Variants in RAPGEF6 observed in about 807,000 individuals in gnomAD.
RAPGEF6 encodes the protein PDZ domain containing guanine nucleotide exchange factor (GEF) 2.
Under a neutral mutation model 171.4 loss-of-function variants are expected in RAPGEF6, and 56 were observed. The observed-to-expected ratio is 0.33, with a 90% CI of 0.26 to 0.41. The LOEUF is 0.41. Among genes scored for constraint, RAPGEF6 ranks in the 10% least tolerant of loss-of-function variants. The pLI, the probability that RAPGEF6 is intolerant of heterozygous loss-of-function variation, is 1.00. For synonymous variants in RAPGEF6, 692 were observed against 650.1 expected (o/e 1.06, Z -0.98); for missense variants, 1,674 against 1,921.4 (o/e 0.87, Z 2.41).
At chr5:131,574,886 AC>A (rs1324527710) in intron 4 of RAPGEF6, among the ~76,000 whole-genome samples, 1 of 152,190 alleles carries the variant, frequency 6.6e-6, no homozygotes, top group Admixed American at 6.5e-5. Context: ...CTTTAAGAGG[AC>A]TAAAGCCTGT....
At chr5:131,547,366 T>C (rs2149948370) in intron 6 of RAPGEF6, among the ~76,000 whole-genome samples, 1 of 152,242 alleles carries the variant, frequency 6.6e-6, no homozygotes, top group South Asian at 2.1e-4. Flanking sequence ...AAATCGTGAG[T>C]ACTTTGGAAA....
intron 6 of RAPGEF6, among the ~76,000 whole-genome samples, chr5:131,529,023 A>G (rs1759183405): frequency 6.6e-6 from 1 of 152,216 alleles, no homozygotes; most frequent in South Asian, 2.1e-4. Flanking sequence ...TCCTCCACCC[A>G]GTAAACAGTC....
At chr5:131,606,055 A>AG (rs1764553042) in intron 1 of RAPGEF6, among the ~76,000 whole-genome samples, 1 of 126,600 alleles carries the variant, frequency 7.9e-6, no homozygotes, top group African/African-American at 4.3e-5. Context: ...AAAAAAAAAG[A>AG]AAAAGAAAAG....
Position 131,461,688 on chromosome 5 carries a change from T to C in RAPGEF6, c.2864+17A>G, listed in dbSNP as rs1457369136. 6.3e-7 allele frequency: 1 copy of C among 1,580,126 alleles called. No individual in the cohort carries two copies. Among genetic ancestry groups the C allele is most frequent in the East Asian group, 2.3e-5 (1 of 44,342 alleles). On this transcript the variant is annotated intron_variant, in intron 19 of 27. Transcript: ENST00000509018. ...ACAAAACCATACAGACATTTGTACC[T>C]ATTTGTACCAACTTACCTTATTATT...
chr5:131,583,872 T>C (rs2149994697), intron 4 of RAPGEF6, among the ~76,000 whole-genome samples: 1 of 152,320 alleles, frequency 6.6e-6, no homozygotes, highest in Non-Finnish European at 1.5e-5. Flanking sequence ...GAAATATTGA[T>C]ACACATAACA....
At chr5:131,479,477 G>C in intron 16 of RAPGEF6, 36 bp downstream of exon 16, 1 of 1,602,412 alleles carries the variant, frequency 6.2e-7, no homozygotes, top group Non-Finnish European at 8.5e-7. Flanking sequence ...CAGTGAAGAT[G>C]AAAATTCCTG....
intron 13 of RAPGEF6, among the ~76,000 whole-genome samples, chr5:131,493,942 T>C (rs1009666156): frequency 6.6e-6 from 1 of 152,210 alleles, no homozygotes; most frequent in East Asian, 1.9e-4. Flanking sequence ...ATAGAGCACA[T>C]GTGCTGCCGA....
At chr5:131,535,418 T>A (rs1322020777) in intron 6 of RAPGEF6, among the ~76,000 whole-genome samples, 2 of 152,162 alleles carry the variant, frequency 1.3e-5, no homozygotes, top group Admixed American at 6.6e-5. Context: ...TTCCCTTGCA[T>A]CACTTTTAGA....
intron 26 of RAPGEF6, 189 bp downstream of exon 26, chr5:131,430,670 G>A: frequency 1.2e-6 from 1 of 808,456 alleles, no homozygotes; most frequent in Non-Finnish European, 2.1e-6. Flanking sequence ...TTTTAATGGG[G>A]TTGAATAGCT....
At chr5:131,478,605 T>A (rs1755263982) in intron 16 of RAPGEF6, among the ~76,000 whole-genome samples, 1 of 152,212 alleles carries the variant, frequency 6.6e-6, no homozygotes, top group South Asian at 2.1e-4. Context: ...CATGAGAACT[T>A]TGCAATTTGC....
At chr5:131,508,793 TTAAGAA>T (rs1223430958) in intron 8 of RAPGEF6, among the ~76,000 whole-genome samples, 1 of 152,198 alleles carries the variant, frequency 6.6e-6, no homozygotes, top group African/African-American at 2.4e-5. Context: ...AGCAAAGAGA[TTAAGAA>T]TAACTATAAG....
chr5:131,447,783 A>T (rs1752815520), intron 21 of RAPGEF6, among the ~76,000 whole-genome samples: 1 of 152,206 alleles, frequency 6.6e-6, no homozygotes, highest in Non-Finnish European at 1.5e-5. Context: ...ATAGTTGAAA[A>T]AGTGTTATGG....
intron 5 of RAPGEF6, among the ~76,000 whole-genome samples, chr5:131,553,776 A>G (rs1369151537): frequency 2.6e-5 from 4 of 152,144 alleles, no homozygotes; most frequent in African/African-American, 9.7e-5. Context: ...AATAAGAAAA[A>G]TGAAGGAACT....
intron 18 of RAPGEF6, chr5:131,463,655 C>G: frequency 1.8e-5 from 14 of 773,422 alleles, no homozygotes; most frequent in Non-Finnish European, 2.2e-5. Flanking sequence ...ATTTTCAGAA[C>G]ACATTTTAAA....
At chr5:131,427,871 A>C (rs1751465893) in intron 27 of RAPGEF6, among the ~76,000 whole-genome samples, 1 of 151,980 alleles carries the variant, frequency 6.6e-6, no homozygotes, top group African/African-American at 2.4e-5. Flanking sequence ...TTTGTGGGAG[A>C]CTGAGGCTGG....
chr5:131,589,585 T>C (rs1165174607), intron 4 of RAPGEF6, among the ~76,000 whole-genome samples: 1 of 152,206 alleles, frequency 6.6e-6, no homozygotes, highest in Non-Finnish European at 1.5e-5. Context: ...GTGACAGTTA[T>C]TTACTGCCTC....
intron 3 of RAPGEF6, among the ~76,000 whole-genome samples, chr5:131,594,355 C>T (rs557712668): frequency 3.3e-4 from 50 of 152,364 alleles, no homozygotes; most frequent in Admixed American, 1.5e-3. Flanking sequence ...CCTGCGGGTA[C>T]GCAGAGGTCA....
intron 16 of RAPGEF6, 50 bp from the exon 17 acceptor site, chr5:131,472,794 T>A (rs771011215): frequency 4.0e-6 from 6 of 1,499,434 alleles, no homozygotes; most frequent in Non-Finnish European, 5.5e-6. Context: ...AGTACTTAAG[T>A]AGTAAACGTT....
chr5:131,429,012 T>G lies in RAPGEF6; in HGVS notation c.4670A>C (p.Asn1557Thr), dbSNP rs147369850. The G allele has an allele frequency of 6.2e-7, 1 of 1,614,176 alleles. No homozygotes were observed. The highest frequency in any genetic ancestry group is 2.2e-5 in the East Asian group (1 of 44,886). ...CTTCGATGGAACACAGGCCACGAGGTTGCTACTGAGAGAAGCTGGTGGCAG... is the reference window on the plus strand; with the variant it reads ...CTTCGATGGAACACAGGCCACGAGGGTGCTACTGAGAGAAGCTGGTGGCAG... ...SRLPPASLSS[N>T]LVACVPSKIV... Residue 1557 changes from asparagine (N) to threonine (T), a missense_variant, in exon 27 of 28, where the codon AAC becomes ACC. Coordinates refer to ENST00000509018, the MANE Select transcript of RAPGEF6 (RefSeq NM_016340.6).
Sources: allele counts gnomAD v4.1 joint callset (sites outside exome capture counted in the v4.1 genomes callset), GRCh38; gene constraint gnomAD v4.1.1; transcripts MANE v1.5; gene names NCBI Gene and HGNC (gene_info 2026-07-23, HGNC 2026-07-21).